The following PCNX1 variants were observed in gnomAD, a reference collection of about 807,000 sequenced individuals.
The protein encoded by PCNX1 is pecanex-like protein 1.
In PCNX1, 78 loss-of-function variants were observed where a neutral mutation model predicts 242.2. The ratio of observed to expected loss-of-function variants is 0.32; its 90% confidence interval spans 0.27 to 0.39. The LOEUF is 0.39. PCNX1 is among the 10% of genes least tolerant of loss of function. PCNX1 has a pLI of 1.00. For missense variants in PCNX1, 2,581 were observed against 2,856.5 expected, an observed-to-expected ratio of 0.90 and a Z score of 2.20; for synonymous variants, 1,024 against 1,032.9, an observed-to-expected ratio of 0.99 and a Z score of 0.17.
chr14:71,089,181 A>T lies in PCNX1; in HGVS notation c.5439-11A>T. On this transcript the variant is annotated splice_polypyrimidine_tract_variant and intron_variant, in intron 29 of 35. Transcript: ENST00000304743. ...TCAAAACATGTGAACTTTTATCTCC[A>T]ATCTTAACAGTAATTTAGAGTCATT... 6.3e-7 allele frequency: 1 copy of T among 1,589,392 alleles called. No homozygotes were observed. The highest frequency in any genetic ancestry group is 8.6e-7 in the Non-Finnish European group (1 of 1,163,608).
In PCNX1 at chr14:71,112,553, G is replaced by T. The variant is rs2062772575; in HGVS notation, c.*2618G>T. On this transcript the variant is annotated 3_prime_UTR_variant, in exon 36 of 36. Coordinates refer to ENST00000304743, the MANE Select transcript of PCNX1 (RefSeq NM_014982.3). The stretch of plus-strand genomic sequence containing the variant: ...AAGATCCATTTCTTAAGAATAATTT[G>T]ATCTAAATTATTATATGGAAATAAA... 6.6e-6 allele frequency: 1 copy of T among 151,872 alleles called. No individual in the cohort carries two copies. 9.4% of individuals were successfully genotyped at this position (151,872 alleles called of 1,614,324 possible).
At chr14:70,940,020 T>A (rs1318223192) in intron 1 of PCNX1, among the ~76,000 whole-genome samples, 1 of 152,190 alleles carries the variant, frequency 6.6e-6, no homozygotes, top group East Asian at 1.9e-4. Flanking sequence ...CCTATGTGTG[T>A]CCCTGCACAT....
intron 30 of PCNX1, among the ~76,000 whole-genome samples, chr14:71,098,714 T>G (rs2062377343): frequency 6.6e-6 from 1 of 152,202 alleles, no homozygotes; most frequent in Non-Finnish European, 1.5e-5. Flanking sequence ...TGGCAGAGTC[T>G]TCTGGGTTCC....
chr14:71,072,557 G>C (rs1406742995), intron 26 of PCNX1, among the ~76,000 whole-genome samples: 4 of 152,016 alleles, frequency 2.6e-5, no homozygotes, highest in Non-Finnish European at 4.4e-5. Context: ...CCATCAGCTG[G>C]GACTAGGTGT....
At chr14:70,911,250 A>G (rs926777721) in intron 1 of PCNX1, among the ~76,000 whole-genome samples, 1 of 152,174 alleles carries the variant, frequency 6.6e-6, no homozygotes, top group Admixed American at 6.5e-5. Context: ...TCTGAAGGCA[A>G]AGTCACTGTA....
intron 8 of PCNX1, among the ~76,000 whole-genome samples, chr14:70,999,871 A>G (rs1238300692): frequency 6.6e-6 from 1 of 152,182 alleles, no homozygotes; most frequent in African/African-American, 2.4e-5. Flanking sequence ...AAAAGATTGT[A>G]TATACTACTC....
chr14:71,046,044 CT>C (rs1032029916), intron 20 of PCNX1, among the ~76,000 whole-genome samples: 2 of 151,222 alleles, frequency 1.3e-5, no homozygotes, highest in Admixed American at 6.6e-5. Context: ...TTTTCTCACA[CT>C]TTTTTTTTCA....
At chr14:70,908,611 A>G (rs924859854) in intron 1 of PCNX1, among the ~76,000 whole-genome samples, 2 of 151,932 alleles carry the variant, frequency 1.3e-5, no homozygotes, top group African/African-American at 4.8e-5. Context: ...CCGGCTCGGA[A>G]CCCTCCTGCC....
intron 1 of PCNX1, among the ~76,000 whole-genome samples, chr14:70,943,297 C>A (rs1257740948): frequency 6.6e-6 from 1 of 152,098 alleles, no homozygotes; most frequent in Non-Finnish European, 1.5e-5. Flanking sequence ...TTGGAACTTC[C>A]TAGAGACTTG....
At chr14:71,001,802 TG>T (rs1372596532) in intron 8 of PCNX1, among the ~76,000 whole-genome samples, 1 of 152,146 alleles carries the variant, frequency 6.6e-6, no homozygotes, top group Non-Finnish European at 1.5e-5. Flanking sequence ...TGAGAACCAT[TG>T]GGAGTCTAAT....
intron 31 of PCNX1, 150 bp from the exon 32 acceptor site, chr14:71,103,245 C>T (rs1008471218): frequency 1.2e-6 from 1 of 807,242 alleles, no homozygotes; most frequent in African/African-American, 1.7e-5. Context: ...TGGCTACCTC[C>T]TATTTAAATG....
intron 30 of PCNX1, among the ~76,000 whole-genome samples, chr14:71,095,993 T>C (rs1326575519): frequency 6.6e-6 from 1 of 151,768 alleles, no homozygotes; most frequent in East Asian, 1.9e-4. Flanking sequence ...CTGGGCAACA[T>C]AGCAAGACCC....
chr14:70,923,212 G>C (rs1859493368), intron 1 of PCNX1, among the ~76,000 whole-genome samples: 2 of 151,464 alleles, frequency 1.3e-5, no homozygotes, highest in Non-Finnish European at 3.0e-5. Context: ...TAGTTATTGT[G>C]GTTTATTAAA....
At chr14:70,997,765 T>C (rs909500877) in intron 8 of PCNX1, among the ~76,000 whole-genome samples, 6 of 152,196 alleles carry the variant, frequency 3.9e-5, no homozygotes, top group Non-Finnish European at 8.8e-5. Flanking sequence ...AAAAAGATTC[T>C]GAAAATGAAC....
At chr14:70,920,607 A>G (rs902073839) in intron 1 of PCNX1, among the ~76,000 whole-genome samples, 4 of 152,214 alleles carry the variant, frequency 2.6e-5, no homozygotes, top group South Asian at 2.1e-4. Context: ...ACATATGACA[A>G]ATTTCGTAAA....
chr14:70,949,680 C>T (rs1163772191), intron 2 of PCNX1, among the ~76,000 whole-genome samples: 1 of 152,150 alleles, frequency 6.6e-6, no homozygotes, highest in Non-Finnish European at 1.5e-5. Context: ...TTTCCTTTCC[C>T]ATCCCAGCTG....
intron 7 of PCNX1, among the ~76,000 whole-genome samples, chr14:70,994,426 T>TATATAGATATATATATATATATAG (rs1387360991): frequency 8.7e-6 from 1 of 114,984 alleles, no homozygotes; most frequent in Non-Finnish European, 1.8e-5. Flanking sequence ...TATATATATA[T>TATATAGATATATATATATATATAG]ATATGTATGT....
At chr14:71,088,095 TTTTTG>T (rs2062038482) in intron 28 of PCNX1, among the ~76,000 whole-genome samples, 2 of 152,272 alleles carry the variant, frequency 1.3e-5, no homozygotes, top group East Asian at 1.9e-4. Context: ...GAGTCAGTTT[TTTTTG>T]TTTTATTTTG....
chr14:71,094,290 A>G (rs2062214270), intron 30 of PCNX1, among the ~76,000 whole-genome samples: 1 of 152,216 alleles, frequency 6.6e-6, no homozygotes, highest in Admixed American at 6.5e-5. Flanking sequence ...TGAAGTTTAG[A>G]GAGTAAATGC....
Sources: gnomAD v4.1 joint callset for allele counts (sites outside exome capture counted in the v4.1 genomes callset) on GRCh38, gnomAD v4.1.1 for gene constraint, MANE v1.5 for transcripts, NCBI Gene and HGNC (gene_info 2026-07-23, HGNC 2026-07-21) for gene names.